Variants in LMF1 observed in about 807,000 individuals in gnomAD.
LMF1 encodes lipase maturation factor 1.
Under a neutral mutation model 60.6 loss-of-function variants are expected in LMF1, and 68 were observed. The observed-to-expected ratio is 1.12, with a 90% CI of 0.92 to 1.37. LMF1 has a LOEUF of 1.37. Ranked by LOEUF, LMF1 falls within the 40% of genes most tolerant of loss-of-function variation. The pLI, the probability that LMF1 is intolerant of heterozygous loss-of-function variation, is 0.00. For synonymous variants in LMF1, 418 were observed against 324.7 expected (o/e 1.29, Z -3.09); for missense variants, 948 against 767.2 (o/e 1.24, Z -2.78).
At position 854,262 on chromosome 16, in the gene LMF1, G is replaced by A; in HGVS notation, c.*270C>T. ...GGCACAGCCCCAGGCTGGGCCTCTG[G>A]GAGGAGGGTGGGATGGATGGGAGAT... On this transcript the variant is annotated 3_prime_UTR_variant, in exon 11 of 11. Transcript: ENST00000262301. 1 of 655,324 alleles carries A rather than the reference G, an allele frequency of 1.5e-6. No individual in the cohort carries two copies. The highest frequency in any genetic ancestry group is 1.5e-5 in the South Asian group (1 of 66,242). The allele number at this position is 655,324 out of a possible 1,614,324, so 40.6% of individuals were successfully genotyped here. A position where few individuals can be genotyped will look rare whatever the true frequency, so the allele number is the denominator to read the frequency against.
chr16:862,505 ATAT>A (rs753554461), intron 10 of LMF1, among the ~76,000 whole-genome samples: 56 of 152,282 alleles, frequency 3.7e-4, no homozygotes, highest in Non-Finnish European at 6.0e-4. Flanking sequence ...TTGGCTTGTA[ATAT>A]TATTTTCTTG....
intron 3 of LMF1, among the ~76,000 whole-genome samples, chr16:916,067 T>G (rs2071272269): frequency 6.6e-6 from 1 of 152,088 alleles, no homozygotes; most frequent in Non-Finnish European, 1.5e-5. Flanking sequence ...GAGGGGCCAG[T>G]GGGTTGTGGG....
intron 6 of LMF1, among the ~76,000 whole-genome samples, chr16:875,645 G>A (rs1463606163): frequency 2.0e-5 from 3 of 152,162 alleles, no homozygotes; most frequent in African/African-American, 7.2e-5. Context: ...GGAAGCGGGA[G>A]GTGGGATCCT....
chr16:949,022 CAG>C (rs2072348998), intron 2 of LMF1, among the ~76,000 whole-genome samples: 2 of 96,764 alleles, frequency 2.1e-5, no homozygotes, highest in African/African-American at 4.7e-5. Flanking sequence ...ACGACAGAGT[CAG>C]TCAATGACAG....
intron 10 of LMF1, among the ~76,000 whole-genome samples, chr16:865,335 A>G (rs569137080): frequency 1.3e-5 from 2 of 152,264 alleles, no homozygotes; most frequent in Middle Eastern, 3.4e-3. Flanking sequence ...AGGAACGTCT[A>G]TTGTATTTAC....
At chr16:859,926 GGTGT>G (rs2069400659) in intron 10 of LMF1, among the ~76,000 whole-genome samples, 1 of 137,130 alleles carries the variant, frequency 7.3e-6, no homozygotes, top group African/African-American at 3.5e-5. Context: ...TCACGGGATC[GGTGT>G]GAGTGGTGTC....
At chr16:954,726 G>A in intron 1 of LMF1, 60 bp from the exon 2 acceptor site, 4 of 1,487,576 alleles carry the variant, frequency 2.7e-6, no homozygotes, top group Non-Finnish European at 3.6e-6. Flanking sequence ...TGGACACCAT[G>A]GGCGCAGCTC....
intron 4 of LMF1, chr16:901,596 C>A (rs2070813339): frequency 6.6e-6 from 1 of 152,284 alleles, no homozygotes; most frequent in Non-Finnish European, 1.5e-5. Flanking sequence ...TTCACTTTGA[C>A]ACGACTGAAA....
chr16:914,060 G>A (rs73497289), intron 3 of LMF1, among the ~76,000 whole-genome samples: 8,281 of 152,218 alleles, frequency 0.054, 238 homozygotes, highest in South Asian at 0.14. Flanking sequence ...TTGATGGGCC[G>A]CGAGGCCTGG....
chr16:964,048 T>C (rs1387618509), intron 1 of LMF1: 1 of 456,030 alleles, frequency 2.2e-6, no homozygotes, highest in Admixed American at 2.3e-5. Context: ...GAGCCTGACC[T>C]GGGAGCTGCA....
At chr16:976,385 A>T (rs2073144697) in intron 1 of LMF1, 1 of 454,144 alleles carries the variant, frequency 2.2e-6, no homozygotes. Flanking sequence ...ACCCTCCTGT[A>T]CACGGCACAG....
At chr16:975,537 C>T (rs3752499), upstream of LMF1, among the ~76,000 whole-genome samples, 455 of 152,304 alleles carry the variant, frequency 3.0e-3, 18 homozygotes, top group East Asian at 0.08. Flanking sequence ...CTGTCCATGC[C>T]CAGGCCCCAA....
chr16:979,601 C>T (rs1477082684), intron 1 of LMF1: 1 of 453,818 alleles, frequency 2.2e-6, no homozygotes, highest in Non-Finnish European at 4.4e-6. Flanking sequence ...AGTTCCCCAC[C>T]TGTGTCCCAG....
intron 5 of LMF1, among the ~76,000 whole-genome samples, chr16:892,203 C>T (rs952590418): frequency 6.6e-6 from 1 of 152,326 alleles, no homozygotes; most frequent in African/African-American, 2.4e-5. Flanking sequence ...GTGAGACAGC[C>T]ATCACTGGCT....
intron 1 of LMF1, 108 bp downstream of exon 1, chr16:970,680 T>G (rs2073024335): frequency 7.8e-6 from 8 of 1,027,570 alleles, no homozygotes; most frequent in Middle Eastern, 5.1e-4. Flanking sequence ...GAGGGCTGCG[T>G]GGGGGCGCCG....
chr16:969,934 C>T (rs1176897161), intron 1 of LMF1, among the ~76,000 whole-genome samples: 1 of 152,200 alleles, frequency 6.6e-6, no homozygotes, highest in African/African-American at 2.4e-5. Flanking sequence ...TGCCCCTGGC[C>T]AGGGGATCCA....
At chr16:889,107 G>A (rs1020215140) in intron 5 of LMF1, among the ~76,000 whole-genome samples, 1 of 152,232 alleles carries the variant, frequency 6.6e-6, no homozygotes, top group Non-Finnish European at 1.5e-5. Flanking sequence ...TCAGAACTGA[G>A]TTAGCTGCAG....
In LMF1 at chr16:897,075, C is replaced by T. The variant is rs1440853385; in HGVS notation, c.664-4003G>A. On this transcript the variant is annotated intron_variant, in intron 4 of 10. Coordinates refer to ENST00000262301, the MANE Select transcript of LMF1 (RefSeq NM_022773.4). This position sits in a 1 kb window ranked among gnomAD's most constrained non-coding sequence, Gnocchi z 4.3. ...CCGGGGACCCACACTGCCCGTGCCA[C>T]CCTCCCGCTCTGCTCGGAATGCCAG... Among the ~76,000 whole-genome samples the T allele has an allele frequency of 6.6e-6, 1 of 152,212 alleles. No individual in the cohort carries two copies. Among genetic ancestry groups the T allele is most frequent in the African/African-American group, 2.4e-5 (1 of 41,444 alleles).
At chr16:902,666 G>T (rs1423323903) in intron 4 of LMF1, 3 of 166,298 alleles carry the variant, frequency 1.8e-5, no homozygotes, top group Non-Finnish European at 3.8e-5. Flanking sequence ...GCTGTGTGGG[G>T]TGACCTCTGC....
Sources: gnomAD v4.1 joint callset for allele counts (sites outside exome capture counted in the v4.1 genomes callset) on GRCh38, gnomAD v4.1.1 for gene constraint, Gnocchi (gnomAD v3.1) non-coding constraint, MANE v1.5 for transcripts, NCBI Gene and HGNC (gene_info 2026-07-23, HGNC 2026-07-21) for gene names.